RSF1: variants seen among roughly 807,000 people sequenced by gnomAD.
The protein encoded by RSF1 is HBV pX-associated protein 8.
RSF1 carries 13 observed loss-of-function variants against 145.2 expected under a neutral mutation model. The observed-to-expected ratio is 0.09, with a 90% CI of 0.06 to 0.14. The LOEUF (loss-of-function observed/expected upper bound fraction) is 0.14. Ranked by LOEUF, RSF1 falls within the 10% of genes least tolerant of loss-of-function variation. The pLI is 1.00. For missense variants in RSF1, 1,517 were observed against 1,718.2 expected, an observed-to-expected ratio of 0.88 and a Z score of 2.07; for synonymous variants, 577 against 592.6, an observed-to-expected ratio of 0.97 and a Z score of 0.38.
At chr11:77,841,005 T>A in the RSF1 span, 1 of 518,402 alleles carries the variant, frequency 1.9e-6, no homozygotes, top group African/African-American at 1.9e-5. Flanking sequence ...TGAAAATAAT[T>A]TTTTTTCTCA....
chr11:77,675,019 T>C lies in RSF1; in HGVS notation c.3562+17A>G. 1 of 1,559,932 alleles carries C rather than the reference T, an allele frequency of 6.4e-7. No homozygotes were observed. The highest frequency in any genetic ancestry group is 1.4e-5 in the African/African-American group (1 of 72,632). On this transcript the variant is annotated intron_variant, in intron 14 of 15. Transcript: ENST00000308488. ...AATAATTTATTGAGCTACCATATGG[T>C]TACAGATTATTTTTACCAGAGTCTC...
At chr11:77,798,081 T>C (rs1371064311) in intron 1 of RSF1, among the ~76,000 whole-genome samples, 3 of 152,168 alleles carry the variant, frequency 2.0e-5, no homozygotes, top group Non-Finnish European at 4.4e-5. Flanking sequence ...AGTTCAAACA[T>C]TGTGGAAGAC....
chr11:77,811,707 G>A (rs765598803), intron 1 of RSF1, among the ~76,000 whole-genome samples: 38 of 152,254 alleles, frequency 2.5e-4, no homozygotes, highest in Non-Finnish European at 5.3e-4. Context: ...ATTAAAACTA[G>A]CAATGAGAAC....
intron 1 of RSF1, among the ~76,000 whole-genome samples, chr11:77,789,101 G>A (rs1463850219): frequency 3.9e-5 from 6 of 152,038 alleles, no homozygotes. Context: ...GAGAAAGAAG[G>A]CAACCTGCTC....
chr11:77,869,050 A>G, the RSF1 span: 5 of 335,836 alleles, frequency 1.5e-5, no homozygotes, highest in Middle Eastern at 3.9e-4. Flanking sequence ...TCCTTTTTGA[A>G]CAGTACCCAT....
chr11:77,808,170 T>C (rs1394323774), intron 1 of RSF1, among the ~76,000 whole-genome samples: 6 of 151,754 alleles, frequency 4.0e-5, no homozygotes, highest in Admixed American at 6.6e-5. Flanking sequence ...CCTGTCTCTA[T>C]TAAAAATACA....
the RSF1 span, among the ~76,000 whole-genome samples, chr11:77,866,083 A>G: frequency 3.3e-5 from 5 of 152,260 alleles, no homozygotes; most frequent in Non-Finnish European, 7.3e-5. Flanking sequence ...TAGCATTGCT[A>G]CTACCCATTT....
chr11:77,696,173 CA>C (rs1337034011), intron 7 of RSF1, among the ~76,000 whole-genome samples: 5 of 152,084 alleles, frequency 3.3e-5, no homozygotes, highest in African/African-American at 1.2e-4. Flanking sequence ...TTTCAAATAT[CA>C]AAATTACAGG....
chr11:77,853,060 C>A, the RSF1 span, among the ~76,000 whole-genome samples: 1 of 151,990 alleles, frequency 6.6e-6, no homozygotes, highest in Admixed American at 6.6e-5. Context: ...ATTTTTAGAA[C>A]TGAGATTGTG....
At chr11:77,764,720 C>T in intron 1 of RSF1, 31 bp from the exon 2 acceptor site, 2 of 1,256,502 alleles carry the variant, frequency 1.6e-6, no homozygotes, top group Non-Finnish European at 2.3e-6. Context: ...TATCATTAGC[C>T]AACAAAATAA....
At chr11:77,842,682 A>G in the RSF1 span, 1 of 1,598,054 alleles carries the variant, frequency 6.3e-7, no homozygotes, top group Non-Finnish European at 8.5e-7. Flanking sequence ...GTGATTTCCA[A>G]CTTCCTAAGC....
At chr11:77,717,200 C>T (rs1960836399) in intron 5 of RSF1, among the ~76,000 whole-genome samples, 1 of 147,758 alleles carries the variant, frequency 6.8e-6, no homozygotes, top group Non-Finnish European at 1.5e-5. Context: ...AAAAAAACAC[C>T]TTGCAATCTA....
chr11:77,777,523 G>T (rs1483053351), intron 1 of RSF1, among the ~76,000 whole-genome samples: 3 of 152,166 alleles, frequency 2.0e-5, no homozygotes, highest in East Asian at 1.9e-4. Flanking sequence ...AACCTGGAAG[G>T]TGGAGGTTGT....
At chr11:77,680,237 A>C (rs1451270847) in intron 11 of RSF1, among the ~76,000 whole-genome samples, 3 of 151,400 alleles carry the variant, frequency 2.0e-5, no homozygotes, top group African/African-American at 7.3e-5. Flanking sequence ...GGTTGAGACC[A>C]ATCTGGGCTA....
At chr11:77,767,190 C>T (rs1948235263) in intron 1 of RSF1, among the ~76,000 whole-genome samples, 1 of 152,194 alleles carries the variant, frequency 6.6e-6, no homozygotes, top group Non-Finnish European at 1.5e-5. Context: ...ACTTTTATTT[C>T]TCTTCTGTTT....
At chr11:77,674,790 G>A (rs546763245) in intron 14 of RSF1, among the ~76,000 whole-genome samples, 80 of 152,190 alleles carry the variant, frequency 5.3e-4, no homozygotes, top group Non-Finnish European at 9.7e-4. Context: ...ACCTGAGGTC[G>A]GGAGTTTGAG....
At chr11:77,703,304 A>G (rs1960467601) in intron 5 of RSF1, 1 of 152,196 alleles carries the variant, frequency 6.6e-6, no homozygotes, top group Non-Finnish European at 1.5e-5. Flanking sequence ...AGCACCTAAT[A>G]CTAGTGCAGA....
chr11:77,721,039 T>C (rs184393152), intron 5 of RSF1, among the ~76,000 whole-genome samples: 304 of 151,854 alleles, frequency 2.0e-3, no homozygotes, highest in African/African-American at 6.9e-3. Context: ...AAACTTATCT[T>C]ACTGAGTTAA....
intron 4 of RSF1, chr11:77,734,582 A>G (rs1336594318): frequency 2.5e-5 from 39 of 1,540,444 alleles, no homozygotes; most frequent in Middle Eastern, 2.2e-4. Flanking sequence ...TGGTCATCCA[A>G]TTCTTTGATG....
Sources: allele counts gnomAD v4.1 joint callset (sites outside exome capture counted in the v4.1 genomes callset), GRCh38; gene constraint gnomAD v4.1.1; transcripts MANE v1.5; gene names NCBI Gene and HGNC (gene_info 2026-07-23, HGNC 2026-07-21).